Variants in DOCK11 observed in about 807,000 individuals in gnomAD.
DOCK11 encodes dedicator of cytokinesis 11, also known as dedicator of cytokinesis protein 11.
Under a neutral mutation model 169.1 loss-of-function variants are expected in DOCK11, and 70 were observed. That is an observed-to-expected ratio of 0.41 (90% CI 0.34 to 0.51). The LOEUF (loss-of-function observed/expected upper bound fraction) is 0.51, where lower values mean the gene tolerates loss of function less well. Among genes scored for constraint, DOCK11 ranks in the 20% least tolerant of loss-of-function variants. The pLI is 0.10. For synonymous variants in DOCK11, 529 were observed against 541.3 expected, an observed-to-expected ratio of 0.98 and a Z score of 0.32; for missense variants, 1,166 against 1,538.8, an observed-to-expected ratio of 0.76 and a Z score of 4.05.
chrX:118,553,745 G>C, intron 6 of DOCK11, among the ~76,000 whole-genome samples: 1 of 112,038 alleles, frequency 8.9e-6, no homozygotes, highest in Non-Finnish European at 1.9e-5. Context: ...AGGTCACTAT[G>C]TGTGTTAGAA....
chrX:118,497,464 T>C (rs1196379583), intron 1 of DOCK11, among the ~76,000 whole-genome samples: 1 of 112,376 alleles, frequency 8.9e-6, no homozygotes, highest in Non-Finnish European at 1.9e-5. Context: ...AATCTCTTTA[T>C]TGTGGCTAGA....
intron 48 of DOCK11, among the ~76,000 whole-genome samples, chrX:118,679,480 C>T (rs2016688721): frequency 8.9e-6 from 1 of 111,842 alleles, no homozygotes; most frequent in Admixed American, 9.5e-5. Flanking sequence ...TGGCTCATGC[C>T]TATAATCCCA....
intron 1 of DOCK11, among the ~76,000 whole-genome samples, chrX:118,531,688 G>C (rs1480654571): frequency 9.2e-6 from 1 of 108,811 alleles, no homozygotes; most frequent in Non-Finnish European, 1.9e-5. Context: ...CTCCCGAGTA[G>C]CTGGGATTAC....
intron 35 of DOCK11, 45 bp downstream of exon 35, chrX:118,630,535 C>A (rs765499793): frequency 2.4e-6 from 2 of 832,167 alleles, no homozygotes; most frequent in Admixed American, 2.4e-5. Flanking sequence ...AGACATACAC[C>A]CTCACAGGTT....
At chrX:118,581,805 T>TAAAA (rs35095116) in intron 14 of DOCK11, among the ~76,000 whole-genome samples, 338 of 12,744 alleles carry the variant, frequency 0.027, 50 homozygotes, top group African/African-American at 0.037. Flanking sequence ...CTCCGTCTCC[T>TAAAA]AAAAAAAAAA....
At chrX:118,644,274 T>C (rs1260733268) in intron 40 of DOCK11, among the ~76,000 whole-genome samples, 5 of 112,306 alleles carry the variant, frequency 4.5e-5, no homozygotes, top group Admixed American at 9.5e-5. Flanking sequence ...GTAACTACAA[T>C]AAGACAAAGA....
intron 1 of DOCK11, among the ~76,000 whole-genome samples, chrX:118,536,443 C>G (rs908002498): frequency 8.9e-6 from 1 of 111,792 alleles, no homozygotes; most frequent in African/African-American, 3.3e-5. Context: ...TATTCACACA[C>G]CACTCTTGAC....
intron 45 of DOCK11, among the ~76,000 whole-genome samples, chrX:118,668,640 C>G: frequency 9.0e-6 from 1 of 111,452 alleles, no homozygotes; most frequent in East Asian, 2.8e-4. Flanking sequence ...TCCCTACTCT[C>G]AAAGAATCAC....
chrX:118,497,673 C>T (rs1603012449), intron 1 of DOCK11, among the ~76,000 whole-genome samples: 2 of 111,911 alleles, frequency 1.8e-5, no homozygotes, highest in Admixed American at 1.9e-4. Flanking sequence ...GGGCTCTCAT[C>T]TTGGGTGATT....
At chrX:118,547,540 C>G (rs1474967798) in intron 6 of DOCK11, among the ~76,000 whole-genome samples, 1 of 112,234 alleles carries the variant, frequency 8.9e-6, no homozygotes, top group Non-Finnish European at 1.9e-5. Flanking sequence ...TATTCTGTAT[C>G]TTGTTTAATT....
chrX:118,565,084 C>G (rs1423095288), intron 7 of DOCK11, among the ~76,000 whole-genome samples: 4 of 102,107 alleles, frequency 3.9e-5, no homozygotes, highest in Admixed American at 1.1e-4. Flanking sequence ...TACAGCCATG[C>G]GCCATCACGC....
chrX:118,560,990 A>G (rs2012888723), intron 6 of DOCK11, among the ~76,000 whole-genome samples: 1 of 111,726 alleles, frequency 9.0e-6, no homozygotes, highest in South Asian at 3.7e-4. Context: ...ATATGTATAT[A>G]TGTATATATA....
intron 52 of DOCK11, among the ~76,000 whole-genome samples, chrX:118,684,005 A>G (rs960585713): frequency 2.7e-4 from 30 of 111,997 alleles, no homozygotes; most frequent in African/African-American, 9.1e-4. Flanking sequence ...ACTTTTGGCA[A>G]ATGTTGACTT....
chrX:118,509,358 G>C (rs2057635182), intron 1 of DOCK11, among the ~76,000 whole-genome samples: 1 of 110,856 alleles, frequency 9.0e-6, no homozygotes, highest in Non-Finnish European at 1.9e-5. Flanking sequence ...TGCTTCCCGT[G>C]TTCAAGTGAT....
At chrX:118,653,962 T>A (rs929626301) in intron 42 of DOCK11, among the ~76,000 whole-genome samples, 1 of 112,334 alleles carries the variant, frequency 8.9e-6, no homozygotes, top group Non-Finnish European at 1.9e-5. Flanking sequence ...TCTGGAACGT[T>A]CTGTGATTCA....
chrX:118,679,412 C>T (rs12010906), intron 48 of DOCK11, among the ~76,000 whole-genome samples: 15,061 of 111,269 alleles, frequency 0.14, 850 homozygotes, highest in Admixed American at 0.25. Context: ...CATGTTTATC[C>T]ATACAGCCAT....
At chrX:118,551,699 T>TA (rs916654781) in intron 6 of DOCK11, among the ~76,000 whole-genome samples, 16 of 108,175 alleles carry the variant, frequency 1.5e-4, no homozygotes, top group African/African-American at 4.7e-4. Flanking sequence ...CTCGATCTCT[T>TA]AAAAAAAAAA....
intron 6 of DOCK11, among the ~76,000 whole-genome samples, chrX:118,549,543 G>A (rs1313569788): frequency 9.0e-6 from 1 of 111,359 alleles, no homozygotes; most frequent in Non-Finnish European, 1.9e-5. Context: ...CAACTTTTAT[G>A]TTTATTTTTA....
At chrX:118,538,487 T>C (rs1569410304) in intron 1 of DOCK11, among the ~76,000 whole-genome samples, 1 of 112,642 alleles carries the variant, frequency 8.9e-6, no homozygotes, top group East Asian at 2.8e-4. Context: ...GAATGAAAAC[T>C]TTTAAGAACA....
Sources: gnomAD v4.1 joint callset for allele counts (sites outside exome capture counted in the v4.1 genomes callset) on GRCh38, gnomAD v4.1.1 for gene constraint, MANE v1.5 for transcripts, NCBI Gene and HGNC (gene_info 2026-07-23, HGNC 2026-07-21) for gene names.